Variants in NCBP1 observed in about 807,000 individuals in gnomAD.
NCBP1 encodes nuclear cap-binding protein subunit 1.
Under a neutral mutation model 111.7 loss-of-function variants are expected in NCBP1, and 16 were observed. That is an observed-to-expected ratio of 0.14 (90% CI 0.10 to 0.22). NCBP1 has a LOEUF of 0.22. Ranked by LOEUF, NCBP1 falls within the 10% of genes least tolerant of loss-of-function variation. The pLI, the probability that NCBP1 is intolerant of heterozygous loss-of-function variation, is 1.00. For missense variants in NCBP1, 607 were observed against 957.5 expected (o/e 0.63, Z 4.83); for synonymous variants, 304 against 314.3 (o/e 0.97, Z 0.35).
At chr9:97,656,300 G>A (rs774386565) in intron 14 of NCBP1, among the ~76,000 whole-genome samples, 7 of 152,226 alleles carry the variant, frequency 4.6e-5, no homozygotes, top group Admixed American at 2.0e-4. Flanking sequence ...AGATGTCACA[G>A]GCCGGGCGCA....
At chr9:97,660,612 G>A (rs1454755406) in intron 15 of NCBP1, among the ~76,000 whole-genome samples, 1 of 152,136 alleles carries the variant, frequency 6.6e-6, no homozygotes, top group Admixed American at 6.5e-5. Flanking sequence ...GGAGAGTTGA[G>A]GGCATTAAAA....
At chr9:97,663,737 G>A (rs1281130226) in intron 18 of NCBP1, among the ~76,000 whole-genome samples, 1 of 151,648 alleles carries the variant, frequency 6.6e-6, no homozygotes, top group East Asian at 2.0e-4. Flanking sequence ...TGCCCACCTC[G>A]GCCTCCCAAA....
At chr9:97,640,457 A>C (rs1281371040) in intron 1 of NCBP1, among the ~76,000 whole-genome samples, 1 of 152,192 alleles carries the variant, frequency 6.6e-6, no homozygotes, top group Admixed American at 6.5e-5. Context: ...GTAGCGGTAC[A>C]TGAGTATTCT....
chr9:97,647,512 T>G lies in NCBP1; in HGVS notation c.632T>G (p.Val211Gly), dbSNP rs781488285. ...TTTAGAAGACGCCAAAAGACTCATG[T>G]ACCCATGTTACAGGTATGGACTGCT... Reference protein sequence around the residue: ...SYLKRRQKTHVPMLQVWTADK... With the variant: ...SYLKRRQKTHGPMLQVWTADK... The change falls in exon 7 of 23, where the codon GTA becomes GGA. Residue 211 changes from valine to glycine, a missense_variant. By Grantham distance (109) the Val-to-Gly change is moderately radical. Transcript: ENST00000375147. 17 of 1,613,080 alleles carry G rather than the reference T, an allele frequency of 1.1e-5. No homozygotes were observed. Among genetic ancestry groups the G allele is most frequent in the Non-Finnish European group, 1.4e-5 (16 of 1,179,416 alleles).
At chr9:97,655,963 A>G in intron 13 of NCBP1, 48 bp from the exon 14 acceptor site, 3 of 1,526,336 alleles carry the variant, frequency 2.0e-6, no homozygotes, top group Non-Finnish European at 2.7e-6. Context: ...AAATGGGTGT[A>G]AGTGCAGATT....
chr9:97,644,093 C>T (rs1382609090), intron 4 of NCBP1, among the ~76,000 whole-genome samples: 1 of 152,144 alleles, frequency 6.6e-6, no homozygotes, highest in Non-Finnish European at 1.5e-5. Context: ...TGAAATTAAA[C>T]CTTACTAATA....
chr9:97,658,558 C>G, intron 14 of NCBP1, 82 bp from the exon 15 acceptor site: 2 of 1,050,396 alleles, frequency 1.9e-6, no homozygotes, highest in East Asian at 4.8e-5. Context: ...TGTTGGAGAT[C>G]ATGACTTTCC....
At chr9:97,637,126 G>T (rs1442023220) in intron 1 of NCBP1, among the ~76,000 whole-genome samples, 1 of 152,098 alleles carries the variant, frequency 6.6e-6, no homozygotes, top group African/African-American at 2.4e-5. Context: ...ATAGCAGAGG[G>T]TTGCATCTTA....
chr9:97,649,627 A>G lies in NCBP1; in HGVS notation c.898-876A>G, dbSNP rs150774533. Reference sequence around the variant, plus strand: ...TTATCAGCTTGCTGCCGTCTTTGCTATATTCCATATGTAACCAAATACTTT... The same window carrying G: ...TTATCAGCTTGCTGCCGTCTTTGCTGTATTCCATATGTAACCAAATACTTT... On this transcript the variant is annotated intron_variant, in intron 8 of 22. Transcript: ENST00000375147. Among the ~76,000 whole-genome samples the G allele has an allele frequency of 1.4e-4, 22 of 152,322 alleles. No homozygotes were observed. In the East Asian group the frequency reaches 3.7e-3, roughly 25 times the overall value.
chr9:97,666,619 G>T (rs987089847), intron 19 of NCBP1, 144 bp from the exon 20 acceptor site: 10 of 556,156 alleles, frequency 1.8e-5, no homozygotes, highest in Non-Finnish European at 3.1e-5. Context: ...CAATTTGTAA[G>T]TATTGCTGGA....
At chr9:97,660,328 G>A (rs1256573056) in intron 15 of NCBP1, among the ~76,000 whole-genome samples, 2 of 151,992 alleles carry the variant, frequency 1.3e-5, no homozygotes, top group East Asian at 3.8e-4. Context: ...GATGCCTTAC[G>A]GTGTATATTA....
intron 3 of NCBP1, 68 bp downstream of exon 3, chr9:97,641,730 T>C: frequency 5.7e-6 from 8 of 1,392,804 alleles, no homozygotes; most frequent in Non-Finnish European, 7.7e-6. Flanking sequence ...CTTTGGGAAA[T>C]GTTCAAAATA....
chr9:97,668,422 G>A (rs558570369), intron 20 of NCBP1, among the ~76,000 whole-genome samples: 5 of 152,246 alleles, frequency 3.3e-5, no homozygotes, highest in Admixed American at 1.3e-4. Flanking sequence ...ATTATATGTC[G>A]GCTGGAGCCA....
intron 14 of NCBP1, 111 bp downstream of exon 14, chr9:97,656,196 T>G: frequency 1.2e-6 from 1 of 869,296 alleles, no homozygotes; most frequent in Non-Finnish European, 1.8e-6. Context: ...TTACTCATCT[T>G]CCATCCCATT....
At chr9:97,658,393 A>C (rs375765295) in intron 14 of NCBP1, among the ~76,000 whole-genome samples, 2 of 152,302 alleles carry the variant, frequency 1.3e-5, no homozygotes, top group East Asian at 3.9e-4. Flanking sequence ...ATCACCCCAC[A>C]TACTTGGCCA....
rs1426047480 is a variant in NCBP1, at chr9:97,672,477, A to G, written c.*1278A>G. 1 of 152,244 alleles carries G rather than the reference A, an allele frequency of 6.6e-6. No homozygotes were observed. The highest frequency in any genetic ancestry group is 1.5e-5 in the Non-Finnish European group (1 of 68,036). The allele number at this position is 152,244 out of a possible 1,614,324, so 9.4% of individuals were successfully genotyped here. On this transcript the variant is annotated 3_prime_UTR_variant, in exon 23 of 23. Coordinates refer to ENST00000375147, the MANE Select transcript of NCBP1 (RefSeq NM_002486.5). ...CATACTATTTAAGACAAAATACAAA[A>G]TATCCAGAAAAATCCAGGTTGCGTG...
intron 18 of NCBP1, among the ~76,000 whole-genome samples, chr9:97,663,643 C>T (rs766364848): frequency 7.9e-5 from 12 of 151,866 alleles, no homozygotes; most frequent in Non-Finnish European, 1.6e-4. Flanking sequence ...CACCACCACA[C>T]CTGGCTGATT....
At chr9:97,662,338 T>C (rs1484559823) in intron 17 of NCBP1, among the ~76,000 whole-genome samples, 194 bp downstream of exon 17, 6 of 152,224 alleles carry the variant, frequency 3.9e-5, no homozygotes, top group Non-Finnish European at 7.3e-5. Flanking sequence ...ACAGTTGGCA[T>C]ATGTACATGG....
chr9:97,662,683 T>A (rs960928120), intron 17 of NCBP1, among the ~76,000 whole-genome samples: 1 of 152,222 alleles, frequency 6.6e-6, no homozygotes, highest in African/African-American at 2.4e-5. Flanking sequence ...TTTCACCATG[T>A]TTGAAGACAG....
Sources: gnomAD v4.1 joint callset for allele counts (sites outside exome capture counted in the v4.1 genomes callset) on GRCh38, gnomAD v4.1.1 for gene constraint, MANE v1.5 for transcripts, NCBI Gene and HGNC (gene_info 2026-07-23, HGNC 2026-07-21) for gene names.